The following NFKBIA variants were observed in gnomAD, a reference collection of about 807,000 sequenced individuals.
NFKBIA encodes the protein NF-kappa-B inhibitor alpha.
In NFKBIA, 10 loss-of-function variants were observed where a neutral mutation model predicts 36.3. The ratio of observed to expected loss-of-function variants is 0.28; its 90% CI spans 0.17 to 0.47. The LOEUF (loss-of-function observed/expected upper bound fraction) is 0.47, where lower values mean the gene tolerates loss of function less well. Among genes scored for constraint, NFKBIA ranks in the 20% least tolerant of loss-of-function variants. NFKBIA has a pLI of 0.99. For synonymous variants in NFKBIA, 205 were observed against 164.4 expected (o/e 1.25, Z -1.89); for missense variants, 355 against 399.3 (o/e 0.89, Z 0.94).
At chr14:35,403,042 T>C in intron 3 of NFKBIA, 108 bp downstream of exon 3, 1 of 1,363,930 alleles carries the variant, frequency 7.3e-7, no homozygotes, top group Non-Finnish European at 1.0e-6. Context: ...ACCTTCCAAA[T>C]GTTAGGAGTT....
intron 1 of NFKBIA, 43 bp downstream of exon 1, chr14:35,404,375 C>T (rs1292739103): frequency 7.9e-7 from 1 of 1,261,560 alleles, no homozygotes; most frequent in Non-Finnish European, 1.1e-6. Context: ...CGCGCGCGTC[C>T]CGCCCTCCCG....
chr14:35,404,601 C>T lies in NFKBIA; in HGVS notation c.44G>A (p.Gly15Asp), dbSNP rs768610997. 28 of 1,566,418 alleles carry T rather than the reference C, an allele frequency of 1.8e-5. No individual in the cohort carries two copies. Among genetic ancestry groups the T allele is most frequent in the Non-Finnish European group, 2.3e-5 (27 of 1,158,090 alleles). Residue 15 changes from glycine (G) to aspartate (D), a missense_variant, in exon 1 of 6, where the codon GGC (glycine) becomes GAC (aspartate). Transcript: ENST00000216797. Reference sequence around the variant, plus strand: ...CTCCTTCTTCAGCCCGTCGCGGGGGCCCTCCATGGCCCACTCCTGGGGGCG... The same window carrying T: ...CTCCTTCTTCAGCCCGTCGCGGGGGTCCTCCATGGCCCACTCCTGGGGGCG... ...AERPQEWAME[G>D]PRDGLKKERL...
chr14:35,403,810 A>G lies in NFKBIA; in HGVS notation c.228-12T>C. Reference sequence around the variant, plus strand: ...CCAAGTGCAGGAACCTGTGGGGAAGAGAGGGAAAAACCCCAGGGGTGGTGA... The same window carrying G: ...CCAAGTGCAGGAACCTGTGGGGAAGGGAGGGAAAAACCCCAGGGGTGGTGA... On this transcript the variant is annotated splice_polypyrimidine_tract_variant and intron_variant, in intron 1 of 5. Coordinates refer to ENST00000216797, the MANE Select transcript of NFKBIA (RefSeq NM_020529.3). 1 of 1,604,346 alleles carries G rather than the reference A, an allele frequency of 6.2e-7. No homozygotes were observed. Among genetic ancestry groups the G allele is most frequent in the Non-Finnish European group, 8.5e-7 (1 of 1,172,752 alleles).
At chr14:35,402,086 G>C (rs376391850) in intron 5 of NFKBIA, 26 bp from the exon 6 acceptor site, 14 of 1,613,964 alleles carry the variant, frequency 8.7e-6, no homozygotes, top group Non-Finnish European at 1.2e-5. Context: ...AAAAAGACAC[G>C]TTAAGCTTCC....
chr14:35,403,403 A>G, intron 2 of NFKBIA, 43 bp from the exon 3 acceptor site: 6 of 1,602,368 alleles, frequency 3.7e-6, no homozygotes, highest in Non-Finnish European at 5.1e-6. Flanking sequence ...CCATGGACCA[A>G]ACCCACACCC....
intron 3 of NFKBIA, 66 bp downstream of exon 3, chr14:35,403,084 C>T: frequency 6.4e-7 from 1 of 1,563,204 alleles, no homozygotes; most frequent in African/African-American, 1.4e-5. Context: ...TAAGTTGGCC[C>T]ACCTGCCCCT....
intron 2 of NFKBIA, 93 bp from the exon 3 acceptor site, chr14:35,403,453 T>G: frequency 7.2e-7 from 1 of 1,389,056 alleles, no homozygotes; most frequent in Admixed American, 1.9e-5. Flanking sequence ...TGGGTGCTGC[T>G]CCTCCTAGAC....
rs534752743 is a variant in NFKBIA, at chr14:35,403,301, T to A, written c.396A>T (p.Gly132=). 6.2e-7 allele frequency: 1 copy of A among 1,613,948 alleles called. No individual in the cohort carries two copies. Among genetic ancestry groups the A allele is most frequent in the South Asian group, 1.1e-5 (1 of 91,076 alleles). The change falls in exon 3 of 6, where the codon GGA becomes GGT. Residue 132 remains glycine (G), a synonymous_variant. Coordinates refer to ENST00000216797, the MANE Select transcript of NFKBIA (RefSeq NM_020529.3). The part of the protein sequence containing the change: ...NQPEIAEALL[G]AGCDPELRDF... ...CTCGGAGCTCAGGATCACAGCCAGC[T>A]CCCAGAAGTGCCTCAGCAATTTCTG... is the stretch of plus-strand genomic sequence containing the variant.
intron 1 of NFKBIA, 187 bp downstream of exon 1, chr14:35,404,231 C>G (rs973983234): frequency 1.5e-5 from 5 of 339,338 alleles, no homozygotes; most frequent in Admixed American, 1.0e-4. Flanking sequence ...CGAGTTGGGC[C>G]GGTGCCCCGC....
intron 2 of NFKBIA, 124 bp downstream of exon 2, chr14:35,403,561 CTGATG>C (rs769876207): frequency 1.1e-6 from 1 of 870,766 alleles, no homozygotes. Flanking sequence ...AGGATGTGGG[CTGATG>C]TGAAGTAAAA....
chr14:35,404,664 C>CGCT lies in NFKBIA; in HGVS notation c.-23_-21dup. 1.4e-6 allele frequency: 2 copies of CGCT among 1,452,690 alleles called. No homozygotes were observed. Among genetic ancestry groups the CGCT allele is most frequent in the Non-Finnish European group, 1.8e-6 (2 of 1,098,726 alleles). The allele number at this position is 1,452,690 out of a possible 1,614,324, so 90.0% of individuals were successfully genotyped here. ...GAACATGGCGCGGACGAGCTGCGGG[C>CGCT]GCTGCTGCGGGTGCGCTGGGCCGCG... is the stretch of plus-strand genomic sequence containing the variant. On this transcript the variant is annotated 5_prime_UTR_variant, in exon 1 of 6. Coordinates refer to ENST00000216797, the MANE Select transcript of NFKBIA (RefSeq NM_020529.3).
intron 2 of NFKBIA, 52 bp from the exon 3 acceptor site, chr14:35,403,412 C>G (rs761216124): frequency 6.3e-7 from 1 of 1,586,818 alleles, no homozygotes; most frequent in East Asian, 2.2e-5. Flanking sequence ...AAACCCACAC[C>G]CCGAGTTCCC....
chr14:35,402,101 C>T (rs762358261), intron 5 of NFKBIA, 41 bp from the exon 6 acceptor site: 50 of 1,612,642 alleles, frequency 3.1e-5, no homozygotes, highest in African/African-American at 2.3e-4. Flanking sequence ...GCTTCCGGAG[C>T]GGAGCTCTGC....
At position 35,403,172 on chromosome 14, in the gene NFKBIA, G is replaced by C. The variant is rs777640654; in HGVS notation, c.525C>G (p.Ile175Met). The change falls in exon 3 of 6, where the codon ATC becomes ATG. Residue 175 changes from isoleucine to methionine, a missense_variant. Physicochemically the swap from Ile to Met is conservative, Grantham distance 10. Transcript: ENST00000216797. ...TACCATTGTAGTTGGTAGCCTTCAGGATGGAGTGGAGGTGCGGGGTGGTGC... is the reference window on the plus strand; with the variant it reads ...TACCATTGTAGTTGGTAGCCTTCAGCATGGAGTGGAGGTGCGGGGTGGTGC... ...QSCTTPHLHS[I>M]LKATNYNGHT... The C allele has an allele frequency of 5.0e-6, 8 of 1,611,942 alleles. No individual in the cohort carries two copies. The highest frequency in any genetic ancestry group is 6.8e-6 in the Non-Finnish European group (8 of 1,179,830).
chr14:35,403,916 G>A, intron 1 of NFKBIA, 118 bp from the exon 2 acceptor site: 2 of 756,604 alleles, frequency 2.6e-6, no homozygotes, highest in Non-Finnish European at 2.3e-6. Context: ...AGGCCGCGGT[G>A]TTTTCCGCGA....
At chr14:35,404,384 CGA>C in intron 1 of NFKBIA, 32 bp downstream of exon 1, 6 of 1,465,624 alleles carry the variant, frequency 4.1e-6, no homozygotes, top group South Asian at 1.2e-5. Context: ...CCCGCCCTCC[CGA>C]CGACCCCCAG....
chr14:35,404,046 T>A (rs1215732409), intron 1 of NFKBIA: 4 of 512,978 alleles, frequency 7.8e-6, no homozygotes, highest in Non-Finnish European at 1.4e-5. Flanking sequence ...GAACGCCCTG[T>A]ACTTCCCCTC....
At chr14:35,403,517 CCT>C in intron 2 of NFKBIA, 157 bp from the exon 3 acceptor site, 1 of 910,466 alleles carries the variant, frequency 1.1e-6, no homozygotes, top group Non-Finnish European at 1.8e-6. Flanking sequence ...GTCATAAAGA[CCT>C]CACCAAATCA....
chr14:35,402,754 G>A lies in NFKBIA; in HGVS notation c.636+17C>T, dbSNP rs2233419. The A allele has an allele frequency of 0.18, 286,684 of 1,613,940 alleles. 26,631 individuals are homozygous for A. The highest frequency in any genetic ancestry group is 0.19 in the Non-Finnish European group (229,543 of 1,179,912). ...CGAGGAGCCTGACTCAGTGCGTCGG[G>A]GGCAGGAAGCACCAACCTGAGCATT... On this transcript the variant is annotated intron_variant, in intron 4 of 5. Transcript: ENST00000216797.
Sources: allele counts gnomAD v4.1 joint callset, GRCh38; gene constraint gnomAD v4.1.1; transcripts MANE v1.5; gene names NCBI Gene and HGNC (gene_info 2026-07-23, HGNC 2026-07-21).